MAMDC2: variants seen among roughly 807,000 people sequenced by gnomAD.
MAMDC2 encodes the protein MAM domain-containing protein 2.
A neutral mutation model predicts 89.8 loss-of-function variants in MAMDC2; 57 were observed. The observed-to-expected ratio is 0.63, with a 90% CI of 0.51 to 0.79. MAMDC2 has a LOEUF of 0.79. Among genes scored for constraint, MAMDC2 ranks in the 30% least tolerant of loss-of-function variants. The pLI is 0.00. For missense variants in MAMDC2, 800 were observed against 820.6 expected (o/e 0.97, Z 0.31); for synonymous variants, 313 against 293.4 (o/e 1.07, Z -0.68).
chr9:70,099,049 AT>A (rs1372848502), intron 2 of MAMDC2, among the ~76,000 whole-genome samples: 1 of 152,230 alleles, frequency 6.6e-6, no homozygotes, highest in Admixed American at 6.5e-5. Context: ...ACAACACAAA[AT>A]AATAGTAAAA....
At chr9:70,148,956 G>T (rs566670641) in intron 9 of MAMDC2, among the ~76,000 whole-genome samples, 1 of 148,334 alleles carries the variant, frequency 6.7e-6, no homozygotes, top group Non-Finnish European at 1.5e-5. Context: ...GTGAACCCGG[G>T]AGGTGGAGCT....
intron 2 of MAMDC2, among the ~76,000 whole-genome samples, chr9:70,050,720 T>C (rs1313174780): frequency 1.3e-5 from 2 of 152,214 alleles, no homozygotes; most frequent in Admixed American, 6.5e-5. Flanking sequence ...CCAAAACAGC[T>C]TTTGGGGACC....
At chr9:70,059,146 G>C (rs918710832) in intron 2 of MAMDC2, among the ~76,000 whole-genome samples, 1 of 152,110 alleles carries the variant, frequency 6.6e-6, no homozygotes, top group Non-Finnish European at 1.5e-5. Flanking sequence ...GAACTCAAAC[G>C]GGTAGCGAGG....
intron 10 of MAMDC2, 114 bp from the exon 11 acceptor site, chr9:70,170,364 CT>C: frequency 8.2e-7 from 1 of 1,222,432 alleles, no homozygotes; most frequent in Admixed American, 2.6e-5. Flanking sequence ...TGGGGGCTGC[CT>C]CTCCATCGCA....
intron 9 of MAMDC2, among the ~76,000 whole-genome samples, chr9:70,160,455 A>G (rs944835448): frequency 3.3e-5 from 5 of 151,976 alleles, no homozygotes; most frequent in Non-Finnish European, 7.4e-5. Context: ...TTTCTCATTT[A>G]TTTTCCACTT....
In MAMDC2 at chr9:70,194,407, T is replaced by C. The variant is rs151261520; in HGVS notation, c.1651+23776T>C. 4.6e-5 allele frequency: 7 copies of C among 152,176 alleles called. No individual in the cohort carries two copies. The East Asian group carries it at 1.4e-3, about 29-fold the overall frequency. 9.4% of individuals were successfully genotyped at this position (152,176 alleles called of 1,614,324 possible). On this transcript the variant is annotated intron_variant, in intron 11 of 13. Transcript: ENST00000377182. ...CTTGTGAATGGGATTGAGGTCTTTG[T>C]AAAAGAGGTTTCACGCAGCATTCGA...
chr9:70,106,280 G>C (rs1828337914), intron 2 of MAMDC2, among the ~76,000 whole-genome samples: 1 of 152,186 alleles, frequency 6.6e-6, no homozygotes, highest in Non-Finnish European at 1.5e-5. Context: ...GCCTCCCATG[G>C]CAGCAAAGTT....
intron 11 of MAMDC2, among the ~76,000 whole-genome samples, chr9:70,177,653 G>C (rs886119991): frequency 1.3e-5 from 2 of 152,150 alleles, no homozygotes; most frequent in African/African-American, 4.8e-5. Context: ...GAAGTTTAGG[G>C]AAGTTAAGTG....
chr9:70,123,855 A>T (rs915471596), intron 5 of MAMDC2, among the ~76,000 whole-genome samples: 1 of 152,122 alleles, frequency 6.6e-6, no homozygotes, highest in Admixed American at 6.6e-5. Context: ...GCCCAGAACA[A>T]ATCCTTCCCT....
Position 70,143,764 on chromosome 9 carries a change from C to T in MAMDC2, c.1349C>T (p.Pro450Leu), listed in dbSNP as rs2031304962. 2 of 1,614,040 alleles carry T rather than the reference C, an allele frequency of 1.2e-6. No homozygotes were observed. Residue 450 changes from proline to leucine, a missense_variant, in exon 9 of 14, where the codon CCA becomes CTA. Coordinates refer to ENST00000377182, the MANE Select transcript of MAMDC2 (RefSeq NM_153267.5). ...AAGATCTGGTCTGTGTTGGAGTCCC[C>T]AAGGGGTGTTTGGATGCAAGCTGAA... Reference protein sequence around the residue: ...QEKIWSVLESPRGVWMQAEIT... With the variant: ...QEKIWSVLESLRGVWMQAEIT...
rs1177762198 is a variant in MAMDC2, at chr9:70,044,699, T to C, written c.148+2T>C. ...TGCCGTGGATTTTAAATGAGGAAGG[T>C]AAGGAGGCTCGGTGGAGAGGGGCGC... On this transcript the variant is annotated splice_donor_variant, in intron 2 of 13. Transcript: ENST00000377182. LOFTEE classifies it high-confidence loss of function. 1.9e-6 allele frequency: 3 copies of C among 1,549,260 alleles called. No individual in the cohort carries two copies. In the Admixed American group the frequency reaches 5.9e-5, roughly 30 times the overall value.
chr9:70,092,971 C>G (rs750765304), intron 2 of MAMDC2, among the ~76,000 whole-genome samples: 2 of 152,122 alleles, frequency 1.3e-5, no homozygotes, highest in Non-Finnish European at 1.5e-5. Flanking sequence ...TTCCTACTTG[C>G]TTTTATCCTT....
intron 2 of MAMDC2, among the ~76,000 whole-genome samples, chr9:70,064,833 C>T (rs1827228956): frequency 1.3e-5 from 2 of 152,152 alleles, no homozygotes; most frequent in Non-Finnish European, 2.9e-5. Flanking sequence ...TAAGGTAACA[C>T]AATCAGTCCA....
At chr9:70,210,141 T>C (rs1462764689) in intron 11 of MAMDC2, among the ~76,000 whole-genome samples, 1 of 152,206 alleles carries the variant, frequency 6.6e-6, no homozygotes, top group Non-Finnish European at 1.5e-5. Flanking sequence ...TCTGCAGATA[T>C]CTATTAGGTC....
chr9:70,053,451 AG>A (rs1826958439), intron 2 of MAMDC2, among the ~76,000 whole-genome samples: 1 of 152,226 alleles, frequency 6.6e-6, no homozygotes, highest in Non-Finnish European at 1.5e-5. Context: ...TGGAGGACAT[AG>A]TACATGAGTA....
intron 2 of MAMDC2, among the ~76,000 whole-genome samples, chr9:70,045,205 T>G (rs936211573): frequency 2.6e-5 from 4 of 152,170 alleles, no homozygotes; most frequent in Non-Finnish European, 5.9e-5. Context: ...GCTGCATGAT[T>G]TCATCCTCAC....
intron 2 of MAMDC2, chr9:70,083,045 C>T (rs902080772): frequency 5.3e-5 from 8 of 152,120 alleles, no homozygotes; most frequent in African/African-American, 1.4e-4. Context: ...GCATGTTTAG[C>T]GCCTAGCATC....
intron 10 of MAMDC2, chr9:70,170,019 G>A (rs2118530299): frequency 6.5e-6 from 1 of 154,254 alleles, no homozygotes; most frequent in Middle Eastern, 3.2e-3. Context: ...ATGCCTCCAG[G>A]AGTCCATTTA....
chr9:70,105,257 A>G lies in MAMDC2; in HGVS notation c.149-2954A>G, dbSNP rs537799943. ...CCCTACACTGAAGCCACAAGCAGAG[A>G]TAACAAGTAGTTTCAACTCAAGTGC... is the stretch of plus-strand genomic sequence containing the variant. On this transcript the variant is annotated intron_variant, in intron 2 of 13. Transcript: ENST00000377182. Among the ~76,000 whole-genome samples, 12 of 152,328 alleles carry G rather than the reference A, an allele frequency of 7.9e-5. No individual in the cohort carries two copies. In the East Asian group the frequency reaches 2.3e-3, roughly 29 times the overall value.
Sources: allele counts gnomAD v4.1 joint callset (sites outside exome capture counted in the v4.1 genomes callset), GRCh38; gene constraint gnomAD v4.1.1; transcripts MANE v1.5; gene names NCBI Gene and HGNC (gene_info 2026-07-23, HGNC 2026-07-21).